Variants in SLC4A4 observed in about 807,000 individuals in gnomAD.
The protein encoded by SLC4A4 is solute carrier family 4 member 4, also known as electrogenic sodium bicarbonate cotransporter 1.
Under a neutral mutation model 111.5 loss-of-function variants are expected in SLC4A4, and 27 were observed. The observed-to-expected ratio is 0.24, with a 90% CI of 0.18 to 0.33. SLC4A4 has a LOEUF of 0.33. SLC4A4 is among the 10% of genes least tolerant of loss of function. The pLI is 1.00. For synonymous variants in SLC4A4, 443 were observed against 463.4 expected, an observed-to-expected ratio of 0.96 and a Z score of 0.57; for missense variants, 909 against 1,315.5, an observed-to-expected ratio of 0.69 and a Z score of 4.78.
intron 16 of SLC4A4, among the ~76,000 whole-genome samples, chr4:71,520,492 A>G (rs183158111): frequency 6.6e-6 from 1 of 152,218 alleles, no homozygotes; most frequent in Non-Finnish European, 1.5e-5. Flanking sequence ...GGACCTGTAG[A>G]TTCTAGTGCC....
intron 6 of SLC4A4, among the ~76,000 whole-genome samples, chr4:71,377,846 A>C (rs1732549615): frequency 1.3e-5 from 2 of 152,286 alleles, no homozygotes; most frequent in African/African-American, 4.8e-5. Flanking sequence ...GTCCATTTTC[A>C]TGGTGCTGAT....
chr4:71,332,923 T>C (rs1728134979), intron 3 of SLC4A4, among the ~76,000 whole-genome samples: 1 of 152,210 alleles, frequency 6.6e-6, no homozygotes, highest in Non-Finnish European at 1.5e-5. Context: ...TCCTTCTCTG[T>C]GTTATCTTGA....
intron 3 of SLC4A4, among the ~76,000 whole-genome samples, chr4:71,271,672 C>CA (rs1158334890): frequency 6.6e-6 from 1 of 152,006 alleles, no homozygotes; most frequent in Non-Finnish European, 1.5e-5. Context: ...GGATTGTATT[C>CA]AAAATAATTG....
At chr4:71,109,941 C>T (rs1743043585) in intron 2 of SLC4A4, among the ~76,000 whole-genome samples, 1 of 152,170 alleles carries the variant, frequency 6.6e-6, no homozygotes, top group Non-Finnish European at 1.5e-5. Context: ...AACACATGCA[C>T]AACTGCCTGC....
rs1360846526 is a variant in SLC4A4, at chr4:71,494,650, A to G, written c.1975-2851A>G. ...TTAAAGTTCTGATTTAACCGTTTAA[A>G]CAGTATGTATAGAATTTTGCATAGG... is the stretch of plus-strand genomic sequence containing the variant. On this transcript the variant is annotated intron_variant, in intron 15 of 25. Coordinates refer to ENST00000264485, the MANE Select transcript of SLC4A4 (RefSeq NM_001098484.3). Among the ~76,000 whole-genome samples, 4 of 152,072 alleles carry G rather than the reference A, an allele frequency of 2.6e-5. No homozygotes were observed. The East Asian group carries it at 7.8e-4, about 30-fold the overall frequency.
chr4:71,320,956 T>C (rs1312157513), intron 3 of SLC4A4, among the ~76,000 whole-genome samples: 2 of 152,102 alleles, frequency 1.3e-5, no homozygotes, highest in African/African-American at 4.8e-5. Context: ...AGGTTATCTC[T>C]AGATGCCTTG....
At chr4:71,063,200 C>T (rs1338121220) in intron 1 of SLC4A4, among the ~76,000 whole-genome samples, 2 of 152,160 alleles carry the variant, frequency 1.3e-5, no homozygotes, top group Admixed American at 6.5e-5. Context: ...GACTTAGTGT[C>T]ATACCCATGG....
chr4:71,413,691 G>A (rs569940100), intron 7 of SLC4A4, among the ~76,000 whole-genome samples: 6 of 152,266 alleles, frequency 3.9e-5, no homozygotes, highest in South Asian at 2.1e-4. Flanking sequence ...GGGAAAGGGC[G>A]CTTGTTGCTG....
chr4:71,380,798 C>G (rs899304716), intron 6 of SLC4A4, among the ~76,000 whole-genome samples: 2 of 152,164 alleles, frequency 1.3e-5, no homozygotes, highest in Non-Finnish European at 2.9e-5. Context: ...TGCTATTCCT[C>G]CCTCTGCTTC....
intron 3 of SLC4A4, among the ~76,000 whole-genome samples, chr4:71,325,845 G>T (rs561262157): frequency 2.3e-4 from 35 of 151,932 alleles, no homozygotes; most frequent in African/African-American, 8.2e-4. Context: ...GAGCTTAAAG[G>T]TGGTTACTAA....
chr4:71,497,518 T>G lies in SLC4A4; in HGVS notation c.1992T>G (p.Phe664Leu). Residue 664 changes from phenylalanine to leucine, a missense_variant, in exon 16 of 26, where the codon TTT becomes TTG. By Grantham distance (22) the Phe-to-Leu change is conservative. This residue lies in a region of SLC4A4 where 264 missense variants were observed against 356.8 expected (regional missense o/e 0.74). Coordinates refer to ENST00000264485, the MANE Select transcript of SLC4A4 (RefSeq NM_001098484.3). The stretch of plus-strand genomic sequence containing the variant: ...TTCTTCAGTACCATAATACTACCTT[T>G]GACTGGGCATTTTTGTCGAAGAAGG... ...SSTDMYHNTT[F>L]DWAFLSKKEC... 1 of 1,613,426 alleles carries G rather than the reference T, an allele frequency of 6.2e-7. No individual in the cohort carries two copies. Among genetic ancestry groups the G allele is most frequent in the Non-Finnish European group, 8.5e-7 (1 of 1,179,634 alleles).
chr4:71,185,525 C>T (rs1745423998), upstream of SLC4A4, among the ~76,000 whole-genome samples: 1 of 152,188 alleles, frequency 6.6e-6, no homozygotes, highest in Non-Finnish European at 1.5e-5. Context: ...AATGTGTGAA[C>T]ATATATGTGA....
chr4:71,429,992 G>T (rs1441941810), intron 7 of SLC4A4, among the ~76,000 whole-genome samples: 1 of 151,910 alleles, frequency 6.6e-6, no homozygotes, highest in Non-Finnish European at 1.5e-5. Context: ...CCTAGAATTG[G>T]TTTTCATGCT....
intron 9 of SLC4A4, among the ~76,000 whole-genome samples, chr4:71,448,292 C>T (rs1485884210): frequency 6.8e-6 from 1 of 146,304 alleles, no homozygotes; most frequent in Non-Finnish European, 1.5e-5. Flanking sequence ...TGCACTCCAG[C>T]CTGGGCAACA....
At chr4:71,468,893 C>T (rs190379884) in intron 13 of SLC4A4, among the ~76,000 whole-genome samples, 2 of 152,120 alleles carry the variant, frequency 1.3e-5, no homozygotes, top group Admixed American at 1.3e-4. Flanking sequence ...TTTTCCCCAA[C>T]ATATTTTACC....
In SLC4A4 at chr4:71,306,288, A is replaced by G. The variant is rs1034411016; in HGVS notation, c.254-33082A>G. On this transcript the variant is annotated intron_variant, in intron 3 of 25. Transcript: ENST00000264485. Reference sequence around the variant, plus strand: ...CTGTGCCTCTGTTTTCTTGTCTATAAAATGGGATAATAGGCTGGGCGCGGT... The same window carrying G: ...CTGTGCCTCTGTTTTCTTGTCTATAGAATGGGATAATAGGCTGGGCGCGGT... 3.9e-5 allele frequency among the ~76,000 whole-genome samples: 6 copies of G among 152,188 alleles called. No homozygotes were observed. In the East Asian group the frequency reaches 7.7e-4, roughly 20 times the overall value.
intron 6 of SLC4A4, among the ~76,000 whole-genome samples, chr4:71,368,021 G>T (rs182823155): frequency 1.3e-5 from 2 of 152,240 alleles, no homozygotes; most frequent in East Asian, 3.9e-4. Context: ...TTACTGCCTT[G>T]ATCATTTAAT....
intron 15 of SLC4A4, among the ~76,000 whole-genome samples, chr4:71,493,629 G>A (rs553023692): frequency 6.6e-6 from 1 of 151,286 alleles, no homozygotes; most frequent in Admixed American, 6.6e-5. Flanking sequence ...CTAAGTCCTG[G>A]GACGTCTCTC....
intron 7 of SLC4A4, among the ~76,000 whole-genome samples, chr4:71,403,523 T>C (rs34257615): frequency 0.19 from 28,600 of 152,128 alleles, 3,060 homozygotes; most frequent in South Asian, 0.42. Context: ...AGGAAAACTA[T>C]TTTAGGTAAG....
Sources: allele counts gnomAD v4.1 joint callset (sites outside exome capture counted in the v4.1 genomes callset), GRCh38; gene constraint gnomAD v4.1.1; regional missense constraint gnomAD v4.1.1; transcripts MANE v1.5; gene names NCBI Gene and HGNC (gene_info 2026-07-23, HGNC 2026-07-21).